The following ZFX variants were observed in gnomAD, a reference collection of about 807,000 sequenced individuals.
ZFX encodes the protein zinc finger protein X-linked, also known as zinc finger X-chromosomal protein.
For missense variants in ZFX, 362 were observed against 628.3 expected, an observed-to-expected ratio of 0.58 and a Z score of 4.53; for synonymous variants, 196 against 226.8, an observed-to-expected ratio of 0.86 and a Z score of 1.22.
At chrX:24,198,746 AAAAGC>A (rs1224711024) in intron 5 of ZFX, among the ~76,000 whole-genome samples, 1 of 110,967 alleles carries the variant, frequency 9.0e-6, no homozygotes, top group Non-Finnish European at 1.9e-5. Flanking sequence ...TAGGGAGGTA[AAAAGC>A]AGTATAAGGA....
rs776765155 is a variant in ZFX, at chrX:24,210,998, C to T, written c.2040C>T (p.His680=). 1.6e-5 allele frequency: 19 copies of T among 1,210,567 alleles called. No homozygotes were observed. The Admixed American group carries it at 2.2e-4, about 14-fold the overall frequency. Residue 680 remains histidine (H), a synonymous_variant, in exon 10 of 10, where the codon CAC becomes CAT. Transcript: ENST00000304543. The part of the protein sequence containing the change: ...GFHRPSELKK[H]VAAHKGKKMH... ...ACAGGCCTTCAGAACTCAAGAAACA[C>T]GTGGCTGCCCACAAGGGCAAAAAAA...
chrX:24,173,466 C>A, intron 4 of ZFX: 1 of 908,138 alleles, frequency 1.1e-6, no homozygotes, highest in Middle Eastern at 4.4e-4. Context: ...CCATAGTGTA[C>A]AAGGAAAAAT....
intron 5 of ZFX, among the ~76,000 whole-genome samples, chrX:24,187,157 G>A (rs1936184280): frequency 8.9e-6 from 1 of 111,973 alleles, no homozygotes; most frequent in Non-Finnish European, 1.9e-5. Flanking sequence ...GCCTGTAGAT[G>A]TGCAGTGGCT....
chrX:24,186,397 A>C (rs1215089022), intron 5 of ZFX, among the ~76,000 whole-genome samples: 1 of 109,585 alleles, frequency 9.1e-6, no homozygotes, highest in Non-Finnish European at 1.9e-5. Flanking sequence ...GAGGATCTCG[A>C]GGGTAAGGAG....
intron 3 of ZFX, among the ~76,000 whole-genome samples, chrX:24,157,013 G>C (rs768949278): frequency 9.0e-6 from 1 of 111,638 alleles, no homozygotes; most frequent in South Asian, 3.7e-4. Context: ...GATTATTTTA[G>C]CTGTTTTCCT....
At position 24,215,406 on chromosome X, in the gene ZFX, T is replaced by C. The variant is rs914266933; in HGVS notation, c.*4030T>C. On this transcript the variant is annotated 3_prime_UTR_variant, in exon 10 of 10. Coordinates refer to ENST00000304543, the MANE Select transcript of ZFX (RefSeq NM_003410.4). Reference sequence around the variant, plus strand: ...CAGCATTGGCAGCATCTTAATCTCCTGGGACTTTGTTAAAAATGCAAATTC... The same window carrying C: ...CAGCATTGGCAGCATCTTAATCTCCCGGGACTTTGTTAAAAATGCAAATTC... 1.2e-4 allele frequency: 13 copies of C among 111,786 alleles called. No individual in the cohort carries two copies. Among genetic ancestry groups the C allele is most frequent in the African/African-American group, 4.2e-4 (13 of 30,751 alleles). The allele number at this position is 111,786 out of a possible 1,213,427, so 9.2% of individuals were successfully genotyped here. A position where few individuals can be genotyped will look rare whatever the true frequency, so the allele number is the denominator to read the frequency against.
chrX:24,200,737 T>C (rs1937240903), intron 5 of ZFX, among the ~76,000 whole-genome samples: 1 of 112,025 alleles, frequency 8.9e-6, no homozygotes, highest in Non-Finnish European at 1.9e-5. Context: ...GATAAAGGTC[T>C]GAGTTCTAAA....
At chrX:24,155,106 A>G (rs749800562) in intron 3 of ZFX, among the ~76,000 whole-genome samples, 1 of 111,351 alleles carries the variant, frequency 9.0e-6, no homozygotes, top group South Asian at 3.8e-4. Flanking sequence ...ACAAACCTGC[A>G]CATGTACTCC....
chrX:24,184,114 A>G (rs992513551), intron 5 of ZFX, among the ~76,000 whole-genome samples: 1 of 111,600 alleles, frequency 9.0e-6, no homozygotes, highest in African/African-American at 3.3e-5. Context: ...AAGATATCTC[A>G]TTGTGTATAT....
chrX:24,187,258 A>G (rs1308549975), intron 5 of ZFX, among the ~76,000 whole-genome samples: 1 of 111,259 alleles, frequency 9.0e-6, no homozygotes, highest in African/African-American at 3.3e-5. Context: ...CTTTGAAACC[A>G]GTTATGTTTT....
intron 5 of ZFX, among the ~76,000 whole-genome samples, chrX:24,180,544 G>C (rs1935594652): frequency 9.1e-6 from 1 of 110,338 alleles, no homozygotes; most frequent in Non-Finnish European, 1.9e-5. Context: ...ACCACGCCTG[G>C]CTAATTTTTT....
chrX:24,194,047 A>T (rs1033950141), intron 5 of ZFX, among the ~76,000 whole-genome samples: 2 of 111,339 alleles, frequency 1.8e-5, no homozygotes, highest in Non-Finnish European at 3.8e-5. Flanking sequence ...GCTACCTCTT[A>T]TAAGTGGGAT....
chrX:24,171,933 A>G (rs1934664867), intron 3 of ZFX, among the ~76,000 whole-genome samples: 1 of 110,526 alleles, frequency 9.0e-6, no homozygotes, highest in African/African-American at 3.3e-5. Context: ...AGAGAGAGAG[A>G]GAGAGAGAGG....
chrX:24,164,956 A>T (rs182223870), intron 3 of ZFX, among the ~76,000 whole-genome samples: 2,583 of 109,207 alleles, frequency 0.024, 81 homozygotes, highest in African/African-American at 0.082. Flanking sequence ...AAAAAAAAAA[A>T]TTTAGAGTGT....
At chrX:24,167,933 A>G (rs1050382502) in intron 3 of ZFX, among the ~76,000 whole-genome samples, 2 of 111,842 alleles carry the variant, frequency 1.8e-5, no homozygotes, top group Non-Finnish European at 3.8e-5. Context: ...TTAGAGTGGT[A>G]GCAGTGATAA....
chrX:24,154,833 C>T (rs1374778186), intron 3 of ZFX, among the ~76,000 whole-genome samples: 6 of 111,255 alleles, frequency 5.4e-5, no homozygotes, highest in Non-Finnish European at 1.1e-4. Context: ...GTGTCTTTTG[C>T]GGAAACATGG....
chrX:24,185,835 A>G (rs1170193684), intron 5 of ZFX, among the ~76,000 whole-genome samples: 1 of 109,925 alleles, frequency 9.1e-6, no homozygotes, highest in African/African-American at 3.3e-5. Context: ...GGAAGCCGAG[A>G]TGGGGGAGGG....
intron 5 of ZFX, 64 bp downstream of exon 5, chrX:24,179,834 C>G: frequency 2.0e-6 from 2 of 1,012,843 alleles, no homozygotes; most frequent in South Asian, 4.4e-5. Flanking sequence ...TAATTTACAT[C>G]AGGGGTGAAA....
At chrX:24,157,849 C>T (rs1468537337) in intron 3 of ZFX, among the ~76,000 whole-genome samples, 1 of 111,561 alleles carries the variant, frequency 9.0e-6, no homozygotes, top group Non-Finnish European at 1.9e-5. Flanking sequence ...ACCTCCGCCT[C>T]CCGGGTTCAA....
Sources: allele counts gnomAD v4.1 joint callset (sites outside exome capture counted in the v4.1 genomes callset), GRCh38; gene constraint gnomAD v4.1.1; transcripts MANE v1.5; gene names NCBI Gene and HGNC (gene_info 2026-07-23, HGNC 2026-07-21).